The following NACC2 variants were observed in gnomAD, a reference collection of about 807,000 sequenced individuals.
NACC2 encodes the protein NACC family member 2, also known as nucleus accumbens-associated protein 2.
In NACC2, 8 loss-of-function variants were observed where a neutral mutation model predicts 25.1. The ratio of observed to expected loss-of-function variants is 0.32; its 90% CI spans 0.19 to 0.57. The LOEUF (loss-of-function observed/expected upper bound fraction) is 0.57. Ranked by LOEUF, NACC2 falls within the 20% of genes least tolerant of loss-of-function variation. The pLI is 0.89. For missense variants in NACC2, 644 were observed against 650.2 expected, an observed-to-expected ratio of 0.99 and a Z score of 0.10; for synonymous variants, 435 against 294.7, an observed-to-expected ratio of 1.48 and a Z score of -4.88.
rs1326484195 is a variant in NACC2, at chr9:136,086,629, G to C, written c.-60+8560C>G. ...TGACATGGACTCACCGCCTAAACTG[G>C]GTTACAATAATTAACACGAATCCTG... On this transcript the variant is annotated intron_variant, in intron 1 of 5. Transcript: ENST00000277554. This position sits in a 1 kb window ranked among gnomAD's most constrained non-coding sequence, Gnocchi z 5.6. Among the ~76,000 whole-genome samples, 1 of 152,190 alleles carries C rather than the reference G, an allele frequency of 6.6e-6. No homozygotes were observed. Among genetic ancestry groups the C allele is most frequent in the East Asian group, 1.9e-4 (1 of 5,188 alleles).
intron 1 of NACC2, among the ~76,000 whole-genome samples, chr9:136,051,047 G>GA (rs1840825631): frequency 6.6e-6 from 1 of 152,186 alleles, no homozygotes; most frequent in African/African-American, 2.4e-5. Context: ...GGGAGGGAGG[G>GA]GGGTCTCTGG....
At chr9:136,049,494 C>T (rs1840781397) in intron 2 of NACC2, 142 bp downstream of exon 2, 4 of 600,112 alleles carry the variant, frequency 6.7e-6, no homozygotes, top group East Asian at 2.8e-5. Context: ...GTGAACAGAG[C>T]TCTGCCACCT....
At chr9:136,075,814 G>C (rs60119969) in intron 1 of NACC2, among the ~76,000 whole-genome samples, 1 of 152,168 alleles carries the variant, frequency 6.6e-6, no homozygotes, top group Admixed American at 6.5e-5. Context: ...TCTGAGGCTC[G>C]GGACACAAGA....
At chr9:136,088,808 C>G (rs1350899153) in intron 1 of NACC2, among the ~76,000 whole-genome samples, 2 of 152,174 alleles carry the variant, frequency 1.3e-5, no homozygotes, top group Non-Finnish European at 2.9e-5. Flanking sequence ...GGGCAGAAAG[C>G]ACAAGGGCTG....
In NACC2 at chr9:136,016,260, C is replaced by A; in HGVS notation, c.1051+5G>T. On this transcript the variant is annotated splice_donor_5th_base_variant and intron_variant, in intron 3 of 5. Transcript: ENST00000277554. ...ATACAATAGATGGGTGGGAGGCAGCCTCACCTGCCACCAGCTCCAGCTTCT... is the reference window on the plus strand; with the variant it reads ...ATACAATAGATGGGTGGGAGGCAGCATCACCTGCCACCAGCTCCAGCTTCT... 6.2e-7 allele frequency: 1 copy of A among 1,612,384 alleles called. No homozygotes were observed. The highest frequency in any genetic ancestry group is 8.5e-7 in the Non-Finnish European group (1 of 1,179,776).
At chr9:136,057,519 G>T (rs1293307875) in intron 1 of NACC2, among the ~76,000 whole-genome samples, 1 of 152,226 alleles carries the variant, frequency 6.6e-6, no homozygotes, top group African/African-American at 2.4e-5. Flanking sequence ...AAAGAATTAA[G>T]CTGTGTTTCG....
At chr9:136,017,139 G>A (rs1840215641) in intron 2 of NACC2, among the ~76,000 whole-genome samples, 1 of 152,148 alleles carries the variant, frequency 6.6e-6, no homozygotes, top group African/African-American at 2.4e-5. Context: ...CCGCCACCAG[G>A]GGCAGCCCTC....
intron 2 of NACC2, among the ~76,000 whole-genome samples, chr9:136,045,236 C>G (rs1036890636): frequency 6.6e-6 from 1 of 151,796 alleles, no homozygotes; most frequent in Admixed American, 6.6e-5. Flanking sequence ...GGGTGGACCC[C>G]AGAGAGGTGG....
intron 1 of NACC2, among the ~76,000 whole-genome samples, chr9:136,050,899 T>C (rs1840822323): frequency 6.6e-6 from 1 of 152,108 alleles, no homozygotes; most frequent in South Asian, 2.1e-4. Flanking sequence ...AGCGCAGGCC[T>C]GAACCTGCCC....
At chr9:136,049,524 G>A (rs890812864) in intron 2 of NACC2, 112 bp downstream of exon 2, 11 of 618,804 alleles carry the variant, frequency 1.8e-5, no homozygotes, top group East Asian at 1.4e-4. Flanking sequence ...TTGGTGGGGG[G>A]CTCCCCTGTG....
In NACC2 at chr9:136,018,557, C is replaced by T. The variant is rs1040012362; in HGVS notation, c.887-2128G>A. On this transcript the variant is annotated intron_variant, in intron 2 of 5. Coordinates refer to ENST00000277554, the MANE Select transcript of NACC2 (RefSeq NM_144653.5). This position sits in a 1 kb window ranked among gnomAD's most constrained non-coding sequence, Gnocchi z 4.4. ...CCACTGGCCCAGGATGAGCGTGGTA[C>T]GCACTGCACCTGTCAGTCCCAGGAA... is the stretch of plus-strand genomic sequence containing the variant. 2.0e-5 allele frequency among the ~76,000 whole-genome samples: 3 copies of T among 152,072 alleles called. No homozygotes were observed. Among genetic ancestry groups the T allele is most frequent in the African/African-American group, 7.2e-5 (3 of 41,380 alleles).
chr9:136,052,820 G>A (rs1464675975), intron 1 of NACC2, among the ~76,000 whole-genome samples: 1 of 152,256 alleles, frequency 6.6e-6, no homozygotes, highest in African/African-American at 2.4e-5. Flanking sequence ...GGTCTGCAGC[G>A]TCTGGCTGTT....
intron 1 of NACC2, among the ~76,000 whole-genome samples, chr9:136,083,459 C>T (rs1428244117): frequency 6.6e-6 from 1 of 152,212 alleles, no homozygotes; most frequent in African/African-American, 2.4e-5. Context: ...CACATGCACC[C>T]CAAACTCGAA....
chr9:136,012,719 C>A lies in NACC2; in HGVS notation c.1255+480G>T, dbSNP rs533420269. ...AAGATAGTGCTTCTTGGGCCGAGGG[C>A]CACAGGAGGCTGTGCTCTTGGCCAC... On this transcript the variant is annotated intron_variant, in intron 5 of 5. Transcript: ENST00000277554. 1.5e-3 allele frequency among the ~76,000 whole-genome samples: 225 copies of A among 148,094 alleles called. 1 individual carries two copies. The highest frequency in any genetic ancestry group is 5.2e-3 in the African/African-American group (209 of 40,074).
At chr9:136,025,458 C>G (rs1840374009) in intron 2 of NACC2, among the ~76,000 whole-genome samples, 1 of 152,036 alleles carries the variant, frequency 6.6e-6, no homozygotes, top group East Asian at 1.9e-4. Context: ...AACAAAACAA[C>G]AAAACAAAAC....
intron 1 of NACC2, among the ~76,000 whole-genome samples, chr9:136,081,075 T>C (rs912711490): frequency 6.6e-6 from 1 of 151,996 alleles, no homozygotes; most frequent in African/African-American, 2.4e-5. Context: ...CACGAACGGC[T>C]GCGGGGAGAA....
In NACC2 at chr9:136,022,866, T is replaced by TAAA. The variant is rs1840312824; in HGVS notation, c.887-6438_887-6437insTTT. 6.6e-6 allele frequency among the ~76,000 whole-genome samples: 1 copy of TAAA among 150,766 alleles called. No homozygotes were observed. Among genetic ancestry groups the TAAA allele is most frequent in the African/African-American group, 2.4e-5 (1 of 40,896 alleles). ...CCACCAATTTAATCATGCCACGCCA[T>TAAA]AACTGGGAAGGCAAACCATCACCAA... On this transcript the variant is annotated intron_variant, in intron 2 of 5. Transcript: ENST00000277554. The surrounding 1 kb of genome is among the most constrained non-coding windows in gnomAD (Gnocchi z 4.4).
At chr9:136,044,117 G>A (rs1005144447) in intron 2 of NACC2, among the ~76,000 whole-genome samples, 5 of 152,146 alleles carry the variant, frequency 3.3e-5, no homozygotes, top group South Asian at 2.1e-4. Context: ...GAGCCACCAC[G>A]CCTGGCCAAT....
rs942379824 is a variant in NACC2, at chr9:136,049,660, T to A, written c.862A>T (p.Ile288Phe). 1.3e-6 allele frequency: 1 copy of A among 778,162 alleles called. No individual in the cohort carries two copies. The allele number at this position is 778,162 out of a possible 1,614,324, so 48.2% of individuals were successfully genotyped here. A position where few individuals can be genotyped will look rare whatever the true frequency, so the allele number is the denominator to read the frequency against. ...MVEEQYGQMY[I>F]KASGSYAVQE... ...CCTGCATAGCTGCCGGAGGCCTTGATGTACATCTGGCCGTACTGCTCCTCC... is the reference window on the plus strand; with the variant it reads ...CCTGCATAGCTGCCGGAGGCCTTGAAGTACATCTGGCCGTACTGCTCCTCC... Residue 288 changes from isoleucine (I) to phenylalanine (F), a missense_variant, in exon 2 of 6, where the codon ATC becomes TTC. Coordinates refer to ENST00000277554, the MANE Select transcript of NACC2 (RefSeq NM_144653.5).
Sources: allele counts gnomAD v4.1 joint callset (sites outside exome capture counted in the v4.1 genomes callset), GRCh38; gene constraint gnomAD v4.1.1; non-coding constraint Gnocchi (gnomAD v3.1); transcripts MANE v1.5; gene names NCBI Gene and HGNC (gene_info 2026-07-23, HGNC 2026-07-21).